Variants in CFAP47 observed in about 807,000 individuals in gnomAD.
The protein encoded by CFAP47 is cilia and flagella associated protein 47.
CFAP47 carries 29 observed loss-of-function variants against 148.1 expected under a neutral mutation model. That is an observed-to-expected ratio of 0.20 (90% confidence interval 0.15 to 0.27). The LOEUF (loss-of-function observed/expected upper bound fraction) is 0.27, where lower values mean the gene tolerates loss of function less well. Among genes scored for constraint, CFAP47 ranks in the 10% least tolerant of loss-of-function variants. CFAP47 has a pLI of 1.00. For synonymous variants in CFAP47, 664 were observed against 577.3 expected (o/e 1.15, Z -2.15); for missense variants, 1,872 against 1,697.5 (o/e 1.10, Z -1.81).
intron 51 of CFAP47, among the ~76,000 whole-genome samples, chrX:36,298,352 G>T (rs1453520876): frequency 1.2e-4 from 12 of 98,025 alleles, no homozygotes; most frequent in South Asian, 1.1e-3. Flanking sequence ...AGGTGGGAAT[G>T]GAACAATGAG....
At chrX:35,953,764 AT>A in intron 7 of CFAP47, 45 bp downstream of exon 7, 2 of 1,046,588 alleles carry the variant, frequency 1.9e-6, no homozygotes, top group Non-Finnish European at 2.6e-6. Context: ...AGCCATTTAA[AT>A]TGTTTAAAAA....
chrX:36,124,038 G>T (rs1938794685), intron 33 of CFAP47, among the ~76,000 whole-genome samples: 1 of 111,336 alleles, frequency 9.0e-6, no homozygotes, highest in Non-Finnish European at 1.9e-5. Context: ...TCCTTTCATG[G>T]CAGTGGGTTC....
intron 8 of CFAP47, among the ~76,000 whole-genome samples, chrX:35,966,299 A>G (rs781668581): frequency 0.06 from 5,920 of 98,275 alleles, 1,614 homozygotes; most frequent in African/African-American, 0.31. Flanking sequence ...ATATTTAAGA[A>G]ATATTAGCTG....
At chrX:35,995,808 T>C (rs1390273821) in intron 18 of CFAP47, among the ~76,000 whole-genome samples, 1 of 110,872 alleles carries the variant, frequency 9.0e-6, no homozygotes, top group African/African-American at 3.3e-5. Context: ...AAATATATAA[T>C]TGAGAAGTTG....
At chrX:36,064,598 T>A (rs995209394) in intron 26 of CFAP47, among the ~76,000 whole-genome samples, 1 of 111,934 alleles carries the variant, frequency 8.9e-6, no homozygotes, top group Non-Finnish European at 1.9e-5. Flanking sequence ...CTATTCTATA[T>A]TTACTTACAG....
chrX:35,953,846 T>A (rs989924600), intron 7 of CFAP47, 127 bp downstream of exon 7: 1 of 437,302 alleles, frequency 2.3e-6, no homozygotes, highest in African/African-American at 2.6e-5. Context: ...AAAGCAAACA[T>A]GTTCAAGAGA....
At chrX:36,021,117 C>T (rs1222830558) in intron 22 of CFAP47, among the ~76,000 whole-genome samples, 1 of 111,018 alleles carries the variant, frequency 9.0e-6, no homozygotes, top group Non-Finnish European at 1.9e-5. Flanking sequence ...CTAATGAAAA[C>T]TTTATGCCTT....
chrX:36,169,630 CT>C (rs1206981102), intron 39 of CFAP47, among the ~76,000 whole-genome samples: 1 of 111,319 alleles, frequency 9.0e-6, no homozygotes, highest in Admixed American at 9.6e-5. Context: ...TGTATCATTT[CT>C]ATCTATTTAA....
At chrX:36,233,113 T>C (rs1189712717) in intron 46 of CFAP47, among the ~76,000 whole-genome samples, 7 of 111,928 alleles carry the variant, frequency 6.3e-5, no homozygotes, top group Non-Finnish European at 1.3e-4. Context: ...TGGAGAGTTC[T>C]GTAGATGTCT....
chrX:36,158,127 C>G (rs1036227906), intron 37 of CFAP47, among the ~76,000 whole-genome samples: 10 of 112,177 alleles, frequency 8.9e-5, no homozygotes, highest in Non-Finnish European at 1.7e-4. Flanking sequence ...TCAACAGCAA[C>G]TGCACAAAAG....
At chrX:35,923,906 CATGTGTAT>C (rs1935627534) in intron 1 of CFAP47, among the ~76,000 whole-genome samples, 1 of 60,248 alleles carries the variant, frequency 1.7e-5, no homozygotes, top group African/African-American at 1.6e-4. Flanking sequence ...TATATATGTA[CATGTGTAT>C]ATATGTACAT....
intron 42 of CFAP47, among the ~76,000 whole-genome samples, chrX:36,191,013 A>G (rs1939860341): frequency 8.9e-6 from 1 of 111,884 alleles, no homozygotes; most frequent in African/African-American, 3.2e-5. Context: ...CCTGGTGTCT[A>G]TGGCAGTATT....
intron 63 of CFAP47, among the ~76,000 whole-genome samples, chrX:36,380,760 G>A (rs1942071386): frequency 8.9e-6 from 1 of 112,555 alleles, no homozygotes; most frequent in Non-Finnish European, 1.9e-5. Context: ...ATAATTTAAA[G>A]TGATCATATT....
intron 22 of CFAP47, among the ~76,000 whole-genome samples, chrX:36,019,180 G>A (rs183501017): frequency 1.8e-5 from 2 of 111,768 alleles, no homozygotes; most frequent in East Asian, 5.7e-4. Context: ...TGCCAGTCCA[G>A]CTGAATGTCT....
At chrX:36,322,988 G>A (rs1231961621) in intron 57 of CFAP47, among the ~76,000 whole-genome samples, 2 of 110,755 alleles carry the variant, frequency 1.8e-5, no homozygotes, top group African/African-American at 3.3e-5. Context: ...TGTCACTATT[G>A]GCATAAGACA....
At chrX:36,036,566 G>A (rs762635349) in intron 24 of CFAP47, among the ~76,000 whole-genome samples, 29 of 111,446 alleles carry the variant, frequency 2.6e-4, no homozygotes, top group Non-Finnish European at 4.9e-4. Context: ...TGGATCATAT[G>A]GTAGTTCTAT....
In CFAP47 at chrX:36,368,607, T is replaced by C. The variant is rs781945827; in HGVS notation, c.9185+1480T>C. On this transcript the variant is annotated intron_variant, in intron 62 of 63. Coordinates refer to ENST00000378653, the MANE Select transcript of CFAP47 (RefSeq NM_001304548.2). ...TTACAGTTTGAAAATATGATACTCT[T>C]GTGAAAAAAATTGGTTTCATAGTCA... Among the ~76,000 whole-genome samples, 310 of 111,435 alleles carry C rather than the reference T, an allele frequency of 2.8e-3. 1 individual carries two copies. The highest frequency in any genetic ancestry group is 9.3e-3 in the African/African-American group (286 of 30,795).
intron 22 of CFAP47, among the ~76,000 whole-genome samples, chrX:36,025,006 A>T (rs182775577): frequency 1.9e-3 from 210 of 111,245 alleles, no homozygotes; most frequent in African/African-American, 6.7e-3. Context: ...GTAGTTCCTT[A>T]TTAATTATTT....
intron 57 of CFAP47, among the ~76,000 whole-genome samples, chrX:36,345,720 G>C (rs1569322676): frequency 8.9e-6 from 1 of 111,921 alleles, no homozygotes. Context: ...ATTTATGCTG[G>C]TTTTCTGAGA....
Sources: allele counts gnomAD v4.1 joint callset (sites outside exome capture counted in the v4.1 genomes callset), GRCh38; gene constraint gnomAD v4.1.1; transcripts MANE v1.5; gene names NCBI Gene and HGNC (gene_info 2026-07-23, HGNC 2026-07-21).